Variants in MED13L observed in about 807,000 individuals in gnomAD.
The protein encoded by MED13L is mediator complex subunit 13L.
Under a neutral mutation model 220.9 loss-of-function variants are expected in MED13L, and 7 were observed. The observed-to-expected ratio is 0.03, with a 90% CI of 0.02 to 0.06. MED13L has a LOEUF of 0.06. MED13L is among the 10% of genes least tolerant of loss of function. MED13L has a pLI of 1.00. For missense variants in MED13L, 1,965 were observed against 2,760.5 expected (o/e 0.71, Z 6.46); for synonymous variants, 1,011 against 1,015.2 (o/e 1.00, Z 0.08).
chr12:116,148,074 A>AAAAAAAAAAAAAG (rs1377801971), intron 2 of MED13L, among the ~76,000 whole-genome samples: 2 of 98,310 alleles, frequency 2.0e-5, no homozygotes, highest in East Asian at 3.2e-4. Flanking sequence ...AAAAAAAAAA[A>AAAAAAAAAAAAAG]GAGGGGGGCG....
rs771323020 is a variant in MED13L, at chr12:115,984,305, T to C, written c.4406A>G (p.Lys1469Arg). ...ATCTGTCAGCTTCTGTGCCACAGTTTTTCCCACGCGCATGATCCCGTCACG... is the reference window on the plus strand; with the variant it reads ...ATCTGTCAGCTTCTGTGCCACAGTTCTTCCCACGCGCATGATCCCGTCACG... ...VLRDGIMRVGKTVAQKLTDEL... is the reference protein window; with the variant it reads ...VLRDGIMRVGRTVAQKLTDEL... The change falls in exon 20 of 31, where the codon AAA (lysine) becomes AGA (arginine). Residue 1469 changes from lysine (K) to arginine (R), a missense_variant. Lys to Arg is a conservative substitution (Grantham distance 26, BLOSUM62 2). Coordinates refer to ENST00000281928, the MANE Select transcript of MED13L (RefSeq NM_015335.5). 10 of 1,614,090 alleles carry C rather than the reference T, an allele frequency of 6.2e-6. No individual in the cohort carries two copies. The highest frequency in any genetic ancestry group is 8.5e-6 in the Non-Finnish European group (10 of 1,180,008).
intron 1 of MED13L, among the ~76,000 whole-genome samples, chr12:116,238,824 C>T (rs1870338855): frequency 6.6e-6 from 1 of 152,180 alleles, no homozygotes; most frequent in East Asian, 1.9e-4. Context: ...AGGCTGAGCA[C>T]GGTGGTTCAC....
chr12:116,057,900 T>C (rs550544712), intron 4 of MED13L, among the ~76,000 whole-genome samples: 2 of 152,294 alleles, frequency 1.3e-5, no homozygotes, highest in East Asian at 1.9e-4. Flanking sequence ...CATTGAGCTA[T>C]CTAGTTAGTT....
chr12:116,014,883 A>G (rs17498172), intron 8 of MED13L, among the ~76,000 whole-genome samples: 1,542 of 152,350 alleles, frequency 0.01, 12 homozygotes, highest in South Asian at 0.021. Flanking sequence ...TCTGTACAGT[A>G]TCAGGAACTT....
intron 2 of MED13L, among the ~76,000 whole-genome samples, chr12:116,197,708 T>C (rs1162691856): frequency 1.3e-5 from 2 of 151,402 alleles, no homozygotes; most frequent in Non-Finnish European, 1.5e-5. Context: ...GAGGTTGTGG[T>C]GAGCAGAGAT....
intron 4 of MED13L, among the ~76,000 whole-genome samples, chr12:116,065,501 C>T (rs922400017): frequency 3.9e-5 from 6 of 152,106 alleles, no homozygotes; most frequent in African/African-American, 1.4e-4. Context: ...ATATGAGATA[C>T]CACATTAATA....
chr12:116,033,821 C>T (rs186206296), intron 4 of MED13L, among the ~76,000 whole-genome samples: 12 of 152,208 alleles, frequency 7.9e-5, no homozygotes, highest in Admixed American at 1.3e-4. Context: ...TTAGAGAAAG[C>T]CCATCTACTG....
At chr12:116,162,202 TA>T (rs145366188) in intron 2 of MED13L, among the ~76,000 whole-genome samples, 26,099 of 151,118 alleles carry the variant, frequency 0.17, 2,490 homozygotes, top group Middle Eastern at 0.27. Flanking sequence ...TTAACCCTTA[TA>T]AAAAAAAAGT....
At chr12:116,274,495 T>C (rs1280217443) in intron 1 of MED13L, among the ~76,000 whole-genome samples, 3 of 150,798 alleles carry the variant, frequency 2.0e-5, no homozygotes, top group South Asian at 2.1e-4. Context: ...AGCGTTCTTA[T>C]AAAAAAACAT....
intron 2 of MED13L, among the ~76,000 whole-genome samples, chr12:116,136,484 G>A (rs908589626): frequency 6.6e-5 from 10 of 152,136 alleles, no homozygotes; most frequent in Admixed American, 2.6e-4. Context: ...GAGAAAGAAC[G>A]ATGCATTCAC....
chr12:116,147,664 T>C (rs1041650967), intron 2 of MED13L, among the ~76,000 whole-genome samples: 3 of 152,266 alleles, frequency 2.0e-5, no homozygotes, highest in Non-Finnish European at 4.4e-5. Flanking sequence ...TTCCAGGCTT[T>C]CAAAGAACCT....
At chr12:116,266,291 G>C (rs1014891707) in intron 1 of MED13L, among the ~76,000 whole-genome samples, 1 of 152,214 alleles carries the variant, frequency 6.6e-6, no homozygotes, top group African/African-American at 2.4e-5. Flanking sequence ...AGAGGAAAGA[G>C]AAGGGAAGTG....
chr12:116,008,482 G>A lies in MED13L; in HGVS notation c.1931C>T (p.Ala644Val). The change falls in exon 10 of 31, where the codon GCT becomes GTT. Residue 644 changes from alanine to valine, a missense_variant. Ala to Val is a moderately conservative substitution (Grantham distance 64). This residue lies in a region of MED13L where 818 missense variants were observed against 1,041.2 expected (regional missense o/e 0.79). Coordinates refer to ENST00000281928, the MANE Select transcript of MED13L (RefSeq NM_015335.5). ...HSYRLPPSDD[A>V]EFRPPELQGE... ...CTGGAGCTCTGGAGGCCTGAACTCA[G>A]CATCATCACTGGGTGGGAGACGATA... 1 of 1,613,676 alleles carries A rather than the reference G, an allele frequency of 6.2e-7. No individual in the cohort carries two copies. The highest frequency in any genetic ancestry group is 8.5e-7 in the Non-Finnish European group (1 of 1,179,972).
chr12:116,052,996 C>A (rs1485900986), intron 4 of MED13L, among the ~76,000 whole-genome samples: 1 of 152,090 alleles, frequency 6.6e-6, no homozygotes, highest in Admixed American at 6.5e-5. Context: ...ACTGAATAAG[C>A]CTAAGACATT....
intron 3 of MED13L, among the ~76,000 whole-genome samples, chr12:116,111,142 G>T (rs1593056487): frequency 6.6e-6 from 1 of 151,986 alleles, no homozygotes; most frequent in East Asian, 1.9e-4. Context: ...GGGTAAAAAA[G>T]AACATCAATC....
chr12:116,100,558 C>G (rs902898922), intron 3 of MED13L, among the ~76,000 whole-genome samples: 2 of 146,306 alleles, frequency 1.4e-5, no homozygotes, highest in African/African-American at 5.1e-5. Context: ...CAAGATCACA[C>G]CATTGCATTC....
At position 116,066,759 on chromosome 12, in the gene MED13L, TAA is replaced by T. The variant is rs199896147; in HGVS notation, c.479+29908_479+29909del. Among the ~76,000 whole-genome samples, 16 of 140,184 alleles carry T rather than the reference TAA, an allele frequency of 1.1e-4. No individual in the cohort carries two copies. In the East Asian group the frequency reaches 2.9e-3, roughly 25 times the overall value. The allele number at this position is 140,184 out of a possible 152,430, so 92.0% of individuals were successfully genotyped here. A position where few individuals can be genotyped will look rare whatever the true frequency, so the allele number is the denominator to read the frequency against. On this transcript the variant is annotated intron_variant, in intron 4 of 30. Coordinates refer to ENST00000281928, the MANE Select transcript of MED13L (RefSeq NM_015335.5). ...GAATTTTCAACTTTCAAAATTGTAT[TAA>T]AAAAAAAAAAAACTCTAGAGCAAAA...
rs757501432 is a variant in MED13L, at chr12:116,008,896, T to C, written c.1517A>G (p.Gln506Arg). The C allele has an allele frequency of 6.2e-7, 1 of 1,614,184 alleles. No individual in the cohort carries two copies. Among genetic ancestry groups the C allele is most frequent in the Non-Finnish European group, 8.5e-7 (1 of 1,180,020 alleles). Residue 506 changes from glutamine to arginine, a missense_variant, in exon 10 of 31, where the codon CAG (glutamine) becomes CGG (arginine). Gln to Arg is a conservative substitution (Grantham distance 43). This residue lies in a region of MED13L where 818 missense variants were observed against 1,041.2 expected (regional missense o/e 0.79). Transcript: ENST00000281928. ...ELCMEQDTPG[Q>R]KLGLAGIDSS... ...GTCTATCCCTGCCAACCCTAGTTTC[T>C]GTCCTGGTGTATCTTGCTCCATGCA...
intron 2 of MED13L, among the ~76,000 whole-genome samples, chr12:116,166,877 A>G (rs1004819352): frequency 2.0e-5 from 3 of 152,212 alleles, no homozygotes; most frequent in Non-Finnish European, 2.9e-5. Context: ...AATATGCATC[A>G]TTCAATAGAA....
Sources: gnomAD v4.1 joint callset for allele counts (sites outside exome capture counted in the v4.1 genomes callset) on GRCh38, gnomAD v4.1.1 for gene constraint, gnomAD v4.1.1 regional missense constraint, MANE v1.5 for transcripts, NCBI Gene and HGNC (gene_info 2026-07-23, HGNC 2026-07-21) for gene names.